The following EXOC4 variants were observed in gnomAD, a reference collection of about 807,000 sequenced individuals.
EXOC4 encodes SEC8-like 1.
A neutral mutation model predicts 107.2 loss-of-function variants in EXOC4; 71 were observed. The ratio of observed to expected loss-of-function variants is 0.66; its 90% CI spans 0.55 to 0.81. The LOEUF is 0.81. Among genes scored for constraint, EXOC4 ranks in the 30% least tolerant of loss-of-function variants. The pLI is 0.00. For missense variants in EXOC4, 1,108 were observed against 1,189.6 expected, an observed-to-expected ratio of 0.93 and a Z score of 1.01; for synonymous variants, 456 against 441.2, an observed-to-expected ratio of 1.03 and a Z score of -0.42.
intron 10 of EXOC4, among the ~76,000 whole-genome samples, chr7:133,705,885 G>A (rs1030084901): frequency 1.1e-4 from 17 of 152,206 alleles, no homozygotes; most frequent in South Asian, 2.1e-4. Flanking sequence ...GAAATTTTTC[G>A]TTTTATATTT....
At chr7:133,347,517 C>T (rs940030602) in intron 5 of EXOC4, among the ~76,000 whole-genome samples, 1 of 152,186 alleles carries the variant, frequency 6.6e-6, no homozygotes, top group Non-Finnish European at 1.5e-5. Context: ...GCTGGGATTA[C>T]AGGCGTGAGC....
chr7:133,924,737 C>T (rs1288884210), intron 13 of EXOC4, among the ~76,000 whole-genome samples: 1 of 152,176 alleles, frequency 6.6e-6, no homozygotes, highest in African/African-American at 2.4e-5. Context: ...AACCACTATT[C>T]TCACTTTCAT....
chr7:133,856,689 A>G (rs996850903), intron 11 of EXOC4, among the ~76,000 whole-genome samples: 2 of 152,174 alleles, frequency 1.3e-5, no homozygotes, highest in Non-Finnish European at 2.9e-5. Context: ...TGGCCAATTA[A>G]TGTAGCTCAT....
At chr7:133,378,641 G>A (rs1796546167) in intron 7 of EXOC4, among the ~76,000 whole-genome samples, 2 of 152,134 alleles carry the variant, frequency 1.3e-5, no homozygotes, top group East Asian at 3.9e-4. Flanking sequence ...GTTTAGGGTA[G>A]CCTATGATAA....
chr7:134,097,064 A>G, the EXOC4 span, among the ~76,000 whole-genome samples: 2 of 152,086 alleles, frequency 1.3e-5, no homozygotes, highest in African/African-American at 4.8e-5. Context: ...AAAAGATACA[A>G]ATTTTAAAAA....
chr7:133,375,969 TTAGA>T (rs1283722374), intron 7 of EXOC4, among the ~76,000 whole-genome samples: 3 of 152,004 alleles, frequency 2.0e-5, no homozygotes, highest in African/African-American at 4.8e-5. Context: ...AGTAACTTAG[TTAGA>T]TAGTTTCTGC....
chr7:133,622,467 C>T (rs1434185924), intron 9 of EXOC4, among the ~76,000 whole-genome samples: 1 of 152,136 alleles, frequency 6.6e-6, no homozygotes, highest in Non-Finnish European at 1.5e-5. Flanking sequence ...TAAGTATCAT[C>T]ATAGCCGCTA....
the EXOC4 span, among the ~76,000 whole-genome samples, chr7:134,076,749 T>C: frequency 1.3e-5 from 2 of 151,440 alleles, no homozygotes; most frequent in South Asian, 4.2e-4. Context: ...GAACAACAAA[T>C]ATTCTTCACT....
chr7:133,468,895 G>A (rs1398567600), intron 7 of EXOC4, among the ~76,000 whole-genome samples: 1 of 151,974 alleles, frequency 6.6e-6, no homozygotes, highest in Non-Finnish European at 1.5e-5. Flanking sequence ...CAAACTCTTG[G>A]GCACTTGCAT....
intron 9 of EXOC4, among the ~76,000 whole-genome samples, chr7:133,519,337 C>T (rs995631929): frequency 7.9e-5 from 12 of 152,014 alleles, no homozygotes; most frequent in Admixed American, 2.6e-4. Flanking sequence ...GTGGGATAAT[C>T]GCTTGAGCCC....
intron 9 of EXOC4, among the ~76,000 whole-genome samples, chr7:133,628,157 T>C (rs1802502939): frequency 6.6e-6 from 1 of 152,252 alleles, no homozygotes; most frequent in Admixed American, 6.5e-5. Context: ...TAGCCATCTT[T>C]CCTGCTGGGG....
intron 3 of EXOC4, among the ~76,000 whole-genome samples, chr7:133,303,793 A>G (rs1263966658): frequency 6.6e-6 from 1 of 152,216 alleles, no homozygotes; most frequent in Non-Finnish European, 1.5e-5. Flanking sequence ...TCATTTAAAC[A>G]GTTACAATGG....
intron 11 of EXOC4, among the ~76,000 whole-genome samples, chr7:133,874,087 T>C (rs1349935235): frequency 1.3e-5 from 2 of 152,196 alleles, no homozygotes; most frequent in African/African-American, 2.4e-5. Context: ...GAGACAGTTA[T>C]GTTAAAGCCT....
At chr7:133,993,629 G>A (rs995989523) in intron 14 of EXOC4, among the ~76,000 whole-genome samples, 7 of 152,152 alleles carry the variant, frequency 4.6e-5, no homozygotes, top group African/African-American at 1.4e-4. Flanking sequence ...AGAGGTGTTT[G>A]TTTTTCTAAT....
chr7:133,944,886 A>C (rs1031938626), intron 14 of EXOC4, among the ~76,000 whole-genome samples: 23 of 152,186 alleles, frequency 1.5e-4, no homozygotes, highest in South Asian at 4.1e-4. Context: ...AACCATATTA[A>C]TTTCAAACAA....
chr7:133,686,678 C>T (rs1026217359), intron 10 of EXOC4, among the ~76,000 whole-genome samples: 1 of 152,106 alleles, frequency 6.6e-6, no homozygotes, highest in Non-Finnish European at 1.5e-5. Flanking sequence ...TACCACCTTA[C>T]ATCTGCAAGA....
At chr7:133,925,039 A>G (rs1415435569) in intron 13 of EXOC4, among the ~76,000 whole-genome samples, 1 of 152,238 alleles carries the variant, frequency 6.6e-6, no homozygotes, top group Non-Finnish European at 1.5e-5. Context: ...GGTAGACTTG[A>G]CAGAGTGCCT....
chr7:134,002,677 T>C (rs1794557242), intron 15 of EXOC4, among the ~76,000 whole-genome samples: 1 of 152,174 alleles, frequency 6.6e-6, no homozygotes. Context: ...AGATATTTCA[T>C]CAAAGATATA....
At chr7:133,715,974 G>A (rs1467529795) in intron 10 of EXOC4, among the ~76,000 whole-genome samples, 1 of 152,168 alleles carries the variant, frequency 6.6e-6, no homozygotes. Context: ...ACCATTTATA[G>A]GTGATGCAGA....
Sources: gnomAD v4.1 joint callset for allele counts (sites outside exome capture counted in the v4.1 genomes callset) on GRCh38, gnomAD v4.1.1 for gene constraint, MANE v1.5 for transcripts, NCBI Gene and HGNC (gene_info 2026-07-23, HGNC 2026-07-21) for gene names.